The following REPS2 variants were observed in gnomAD, a reference collection of about 807,000 sequenced individuals.
The protein encoded by REPS2 is RALBP1 associated Eps domain containing 2.
In REPS2, 23 loss-of-function variants were observed where a neutral mutation model predicts 53.6. That is an observed-to-expected ratio of 0.43 (90% CI 0.31 to 0.61). The LOEUF (loss-of-function observed/expected upper bound fraction) is 0.61. REPS2 is among the 20% of genes least tolerant of loss of function. REPS2 has a pLI of 0.11. For synonymous variants in REPS2, 238 were observed against 218.6 expected, an observed-to-expected ratio of 1.09 and a Z score of -0.78; for missense variants, 446 against 534.9, an observed-to-expected ratio of 0.83 and a Z score of 1.64.
intron 1 of REPS2, among the ~76,000 whole-genome samples, chrX:16,984,807 T>A (rs1442748521): frequency 9.6e-6 from 1 of 104,697 alleles, no homozygotes; most frequent in Non-Finnish European, 2.0e-5. Flanking sequence ...TCTGATGTAC[T>A]TTTTTTTTTT....
At chrX:16,998,207 C>T (rs1602631005) in intron 1 of REPS2, among the ~76,000 whole-genome samples, 1 of 111,641 alleles carries the variant, frequency 9.0e-6, no homozygotes, top group Non-Finnish European at 1.9e-5. Context: ...TGTGATTGTG[C>T]CACTGCTCTG....
intron 6 of REPS2, among the ~76,000 whole-genome samples, chrX:17,051,245 T>G (rs112833381): frequency 0.026 from 2,874 of 111,984 alleles, 101 homozygotes; most frequent in African/African-American, 0.09. Flanking sequence ...ATACCACATT[T>G]TCTTTATTCA....
chrX:17,112,917 C>T (rs1163776187), intron 14 of REPS2, among the ~76,000 whole-genome samples: 1 of 105,956 alleles, frequency 9.4e-6, no homozygotes, highest in Non-Finnish European at 1.9e-5. Context: ...GAAACTCCGT[C>T]TCTACTAAAA....
chrX:17,189,312 G>A, the REPS2 span, among the ~76,000 whole-genome samples: 1 of 104,060 alleles, frequency 9.6e-6, no homozygotes, highest in Non-Finnish European at 2.0e-5. Flanking sequence ...TTTAGACAGA[G>A]TCTCGCTCTG....
chrX:17,165,662 C>T, the REPS2 span, among the ~76,000 whole-genome samples: 1 of 111,163 alleles, frequency 9.0e-6, no homozygotes, highest in African/African-American at 3.3e-5. Flanking sequence ...TTGCAATGCC[C>T]TGGCCTAATG....
chrX:17,163,947 C>T, the REPS2 span, among the ~76,000 whole-genome samples: 2 of 112,001 alleles, frequency 1.8e-5, no homozygotes, highest in African/African-American at 6.5e-5. Flanking sequence ...TTCTTTTCTC[C>T]TCTCTGATTT....
At chrX:17,096,475 C>T (rs947171999) in intron 13 of REPS2, among the ~76,000 whole-genome samples, 13 of 106,395 alleles carry the variant, frequency 1.2e-4, no homozygotes, top group South Asian at 4.2e-4. Context: ...CCGGCTAAAA[C>T]GGTGAAACCC....
At chrX:17,156,385 G>GTA (rs753568083), downstream of REPS2, among the ~76,000 whole-genome samples, 2 of 107,904 alleles carry the variant, frequency 1.9e-5, no homozygotes, top group East Asian at 2.8e-4. Flanking sequence ...TTATATATGT[G>GTA]TATATATATA....
At chrX:17,157,325 T>G (rs764641830), downstream of REPS2, among the ~76,000 whole-genome samples, 1 of 111,842 alleles carries the variant, frequency 8.9e-6, no homozygotes, top group Admixed American at 9.5e-5. Context: ...CTTTTGCTTT[T>G]TATAGATCTA....
the REPS2 span, among the ~76,000 whole-genome samples, chrX:17,162,905 A>G: frequency 8.9e-6 from 1 of 112,253 alleles, no homozygotes; most frequent in South Asian, 3.7e-4. Context: ...TCTGATTTTC[A>G]GAGTTGCCAC....
At chrX:17,153,982 A>G (rs1569207640), downstream of REPS2, among the ~76,000 whole-genome samples, 1 of 111,091 alleles carries the variant, frequency 9.0e-6, no homozygotes, top group Non-Finnish European at 1.9e-5. Flanking sequence ...TGGTCCCCAG[A>G]TCAGCAATAT....
the REPS2 span, among the ~76,000 whole-genome samples, chrX:17,169,225 T>C: frequency 1.8e-5 from 2 of 112,361 alleles, no homozygotes; most frequent in Non-Finnish European, 3.8e-5. Context: ...TTTAAACTAC[T>C]AAGTTTTGGA....
intron 2 of REPS2, among the ~76,000 whole-genome samples, chrX:17,007,962 A>G (rs757015417): frequency 8.9e-6 from 1 of 112,766 alleles, no homozygotes; most frequent in South Asian, 3.6e-4. Context: ...CTTAATTTCT[A>G]TGCAAAATAG....
At chrX:17,041,063 C>T (rs1297163224) in intron 5 of REPS2, among the ~76,000 whole-genome samples, 1 of 111,713 alleles carries the variant, frequency 9.0e-6, no homozygotes, top group Admixed American at 9.5e-5. Context: ...AATAGTTTGG[C>T]AGGCCGCTGT....
intron 8 of REPS2, among the ~76,000 whole-genome samples, chrX:17,062,163 G>T (rs1365548183): frequency 8.9e-6 from 1 of 112,394 alleles, no homozygotes; most frequent in Non-Finnish European, 1.9e-5. Context: ...ACTGCTGAGA[G>T]TTCAAGTCCC....
intron 1 of REPS2, among the ~76,000 whole-genome samples, chrX:16,954,710 T>G (rs2060569869): frequency 9.0e-6 from 1 of 111,461 alleles, no homozygotes; most frequent in South Asian, 3.7e-4. Flanking sequence ...AATATTGTTC[T>G]AGCTTCACAC....
chrX:17,018,153 C>CT (rs1326356549), intron 2 of REPS2, among the ~76,000 whole-genome samples: 4 of 109,662 alleles, frequency 3.6e-5, no homozygotes, highest in Admixed American at 9.8e-5. Context: ...AAAATGGAAA[C>CT]TCTGTATTCA....
chrX:17,097,877 A>G (rs941240602), intron 13 of REPS2, among the ~76,000 whole-genome samples: 2 of 112,403 alleles, frequency 1.8e-5, no homozygotes, highest in Non-Finnish European at 3.8e-5. Flanking sequence ...GAAAAGTCCT[A>G]TAACAATTCA....
chrX:17,111,509 C>T (rs772221846), intron 14 of REPS2, among the ~76,000 whole-genome samples: 1 of 112,432 alleles, frequency 8.9e-6, no homozygotes, highest in East Asian at 2.8e-4. Flanking sequence ...TTTGTTCTGT[C>T]CTACAGTGTA....
Sources: gnomAD v4.1 joint callset for allele counts (sites outside exome capture counted in the v4.1 genomes callset) on GRCh38, gnomAD v4.1.1 for gene constraint, MANE v1.5 for transcripts, NCBI Gene and HGNC (gene_info 2026-07-23, HGNC 2026-07-21) for gene names.